The following ZNF638 variants were observed in gnomAD, a reference collection of about 807,000 sequenced individuals.
The protein encoded by ZNF638 is CTCL tumor antigen se33-1.
ZNF638 carries 46 observed loss-of-function variants against 195.6 expected under a neutral mutation model. That is an observed-to-expected ratio of 0.24 (90% CI 0.19 to 0.30). The LOEUF (loss-of-function observed/expected upper bound fraction) is 0.30, where lower values mean the gene tolerates loss of function less well. Ranked by LOEUF, ZNF638 falls within the 10% of genes least tolerant of loss-of-function variation. ZNF638 has a pLI of 1.00. For missense variants in ZNF638, 2,440 were observed against 2,325.3 expected, an observed-to-expected ratio of 1.05 and a Z score of -1.01; for synonymous variants, 845 against 772.0, an observed-to-expected ratio of 1.09 and a Z score of -1.57.
chr2:71,399,883 G>A (rs1485155072), intron 13 of ZNF638, among the ~76,000 whole-genome samples: 3 of 151,668 alleles, frequency 2.0e-5, no homozygotes, highest in African/African-American at 7.3e-5. Flanking sequence ...TCCCTCTATG[G>A]GTCCATTTAT....
intron 8 of ZNF638, chr2:71,376,265 G>A (rs1163352580): frequency 6.6e-6 from 1 of 152,202 alleles, no homozygotes; most frequent in African/African-American, 2.4e-5. Flanking sequence ...GATGATGCTG[G>A]AACAAGAAGG....
At chr2:71,366,079 G>T (rs1178768708) in intron 6 of ZNF638, among the ~76,000 whole-genome samples, 1 of 152,186 alleles carries the variant, frequency 6.6e-6, no homozygotes, top group Non-Finnish European at 1.5e-5. Context: ...TGCCAGGCAT[G>T]GTGGCTTATG....
chr2:71,399,855 A>ATTAT (rs2079970735), intron 13 of ZNF638, among the ~76,000 whole-genome samples: 1 of 152,044 alleles, frequency 6.6e-6, no homozygotes, highest in South Asian at 2.1e-4. Context: ...ACCTTCCAAT[A>ATTAT]GGCCCCAGTG....
rs370823964 is a variant in ZNF638, at chr2:71,357,084, C to G, written c.1379+1304C>G. ...TGTTTTTGTTTTCCTTATCCCACCC[C>G]TCACTCTATGACACAGCCTCGGGAG... On this transcript the variant is annotated intron_variant, in intron 3 of 27. Coordinates refer to ENST00000264447, the MANE Select transcript of ZNF638 (RefSeq NM_014497.5). Among the ~76,000 whole-genome samples, 5 of 152,128 alleles carry G rather than the reference C, an allele frequency of 3.3e-5. No individual in the cohort carries two copies. In the South Asian group the frequency reaches 8.3e-4, roughly 25 times the overall value.
intron 10 of ZNF638, among the ~76,000 whole-genome samples, chr2:71,389,185 C>T (rs1247298277): frequency 1.3e-5 from 2 of 152,110 alleles, no homozygotes; most frequent in Non-Finnish European, 2.9e-5. Context: ...GAGGTTTTCC[C>T]TGAGCCCCCT....
intron 18 of ZNF638, 53 bp from the exon 19 acceptor site, chr2:71,406,075 C>T (rs1050898861): frequency 1.3e-6 from 2 of 1,599,318 alleles, no homozygotes; most frequent in African/African-American, 2.7e-5. Flanking sequence ...TCTGTTTTAC[C>T]GTTTGTTGCT....
At chr2:71,337,598 A>AT (rs2078692405) in intron 1 of ZNF638, among the ~76,000 whole-genome samples, 1 of 151,846 alleles carries the variant, frequency 6.6e-6, no homozygotes, top group South Asian at 2.1e-4. Flanking sequence ...TAGAGATGGG[A>AT]TTTTGCCATG....
intron 10 of ZNF638, among the ~76,000 whole-genome samples, chr2:71,394,920 G>A (rs1258916455): frequency 6.6e-6 from 1 of 152,168 alleles, no homozygotes; most frequent in Admixed American, 6.5e-5. Context: ...GTGACAAGAT[G>A]CGCTGGCATT....
intron 2 of ZNF638, among the ~76,000 whole-genome samples, chr2:71,355,272 G>A (rs377737726): frequency 6.6e-6 from 1 of 152,252 alleles, no homozygotes; most frequent in African/African-American, 2.4e-5. Context: ...TTTGATTGTT[G>A]ATGTTGTTAG....
Position 71,368,545 on chromosome 2 carries a change from G to A in ZNF638, c.2142+17G>A. On this transcript the variant is annotated intron_variant, in intron 7 of 27. Coordinates refer to ENST00000264447, the MANE Select transcript of ZNF638 (RefSeq NM_014497.5). ...AGAAAAGAGGTGAGTCATTTAGTCT[G>A]TGGCAAAAATTCATACAAAGTGATT... The A allele has an allele frequency of 3.1e-6, 5 of 1,607,830 alleles. No individual in the cohort carries two copies. The highest frequency in any genetic ancestry group is 4.2e-6 in the Non-Finnish European group (5 of 1,178,360).
chr2:71,396,862 G>T (rs1470128450), intron 11 of ZNF638, among the ~76,000 whole-genome samples: 1 of 152,122 alleles, frequency 6.6e-6, no homozygotes, highest in Non-Finnish European at 1.5e-5. Flanking sequence ...CAGGAGAATC[G>T]CTTGAACCCG....
chr2:71,427,352 G>A lies in ZNF638; in HGVS notation c.5483G>A (p.Gly1828Asp), dbSNP rs1385872948. The A allele has an allele frequency of 3.8e-6, 6 of 1,599,594 alleles. No homozygotes were observed. The highest frequency in any genetic ancestry group is 4.5e-5 in the East Asian group (2 of 44,796). ...KTKLESLSQV[G>D]PVNENVMEED... Reference sequence around the variant, plus strand: ...AAACTTGAATCCTTGTCCCAAGTGGGTCCAGTAAATGAGAATGTTATGGAA... The same window carrying A: ...AAACTTGAATCCTTGTCCCAAGTGGATCCAGTAAATGAGAATGTTATGGAA... The change falls in exon 24 of 28, where the codon GGT becomes GAT. Residue 1828 changes from glycine (G) to aspartate (D), a missense_variant. Gly to Asp is a moderately conservative substitution (Grantham distance 94). Around this residue, in one of 5 missense-constraint regions of ZNF638, gnomAD observed 1,883 missense variants for 1,739.1 expected, o/e 1.08. Coordinates refer to ENST00000264447, the MANE Select transcript of ZNF638 (RefSeq NM_014497.5).
chr2:71,399,578 G>T lies in ZNF638; in HGVS notation c.2520G>T (p.Lys840Asn). The T allele has an allele frequency of 6.2e-7, 1 of 1,612,314 alleles. No individual in the cohort carries two copies. The highest frequency in any genetic ancestry group is 8.5e-7 in the Non-Finnish European group (1 of 1,179,052). ...TACAAGCAAAATCTGGTGGAAAGAA[G>T]TCTCTAGAAGCCAAAAAGACTGGGA... Reference protein sequence around the residue: ...SIKTAKSGGKKSLEAKKTGNV... With the variant: ...SIKTAKSGGKNSLEAKKTGNV... The change falls in exon 13 of 28, where the codon AAG (lysine) becomes AAT (asparagine). Residue 840 changes from lysine to asparagine, a missense_variant. Physicochemically the swap from Lys to Asn is moderately conservative, Grantham distance 94. Around this residue, in one of 5 missense-constraint regions of ZNF638, gnomAD observed 1,883 missense variants for 1,739.1 expected, o/e 1.08. Transcript: ENST00000264447.
rs1374617004 is a variant in ZNF638 at position 71,423,653 on chromosome 2, G to T, written c.4139G>T (p.Ser1380Ile). Residue 1380 changes from serine to isoleucine, a missense_variant, in exon 22 of 28, where the codon AGT becomes ATT. Around this residue, in one of 5 missense-constraint regions of ZNF638, gnomAD observed 1,883 missense variants for 1,739.1 expected, o/e 1.08. Coordinates refer to ENST00000264447, the MANE Select transcript of ZNF638 (RefSeq NM_014497.5). ...ANKPDETSKT[S>I]ILAVSDVSSS... Reference sequence around the variant, plus strand: ...AAGCCTGATGAAACTAGTAAAACTAGTATTCTGGCTGTATCAGATGTATCT... The same window carrying T: ...AAGCCTGATGAAACTAGTAAAACTATTATTCTGGCTGTATCAGATGTATCT... The T allele has an allele frequency of 1.2e-6, 2 of 1,613,658 alleles. No homozygotes were observed. The highest frequency in any genetic ancestry group is 4.5e-5 in the East Asian group (2 of 44,898).
At chr2:71,370,801 C>T (rs1317827469) in intron 8 of ZNF638, among the ~76,000 whole-genome samples, 1 of 151,972 alleles carries the variant, frequency 6.6e-6, no homozygotes, top group East Asian at 1.9e-4. Context: ...GGATATCTGT[C>T]CCCTCCAACA....
Position 71,434,919 on chromosome 2 carries a change from T to C in ZNF638, c.*112T>C. On this transcript the variant is annotated 3_prime_UTR_variant, in exon 28 of 28. Coordinates refer to ENST00000264447, the MANE Select transcript of ZNF638 (RefSeq NM_014497.5). ...GTTTCAGAAGCAAATATTCGTGTTGTACAAATTTCTGATTGCCCTAAATGT... is the reference window on the plus strand; with the variant it reads ...GTTTCAGAAGCAAATATTCGTGTTGCACAAATTTCTGATTGCCCTAAATGT... 4 of 903,058 alleles carry C rather than the reference T, an allele frequency of 4.4e-6. No homozygotes were observed. Among genetic ancestry groups the C allele is most frequent in the Non-Finnish European group, 6.6e-6 (4 of 601,588 alleles). The allele number at this position is 903,058 out of a possible 1,614,324, so 55.9% of individuals were successfully genotyped here.
chr2:71,388,465 A>G (rs965516198), intron 10 of ZNF638: 1 of 689,390 alleles, frequency 1.5e-6, no homozygotes, highest in African/African-American at 1.8e-5. Context: ...TGTTGGCTCC[A>G]GGCCTTTGTC....
At chr2:71,341,666 A>G (rs1228139268) in intron 1 of ZNF638, 1 of 152,200 alleles carries the variant, frequency 6.6e-6, no homozygotes, top group Non-Finnish European at 1.5e-5. Flanking sequence ...TTCCCCAACA[A>G]GTTAATAGTT....
At position 71,347,709 on chromosome 2, in the gene ZNF638, C is replaced by T. The variant is rs915230466; in HGVS notation, c.-202-1044C>T. ...TTGGTCCTGAATGGTAGCTAAAGTA[C>T]TGTTTTCTGAGAAGAGTGTTGAAGG... On this transcript the variant is annotated intron_variant, in intron 1 of 27. Coordinates refer to ENST00000264447, the MANE Select transcript of ZNF638 (RefSeq NM_014497.5). Among the ~76,000 whole-genome samples the T allele has an allele frequency of 5.6e-4, 85 of 152,178 alleles. 2 individuals are homozygous for T. The highest frequency in any genetic ancestry group is 4.1e-4 in the Non-Finnish European group (28 of 68,038).
Sources: gnomAD v4.1 joint callset for allele counts (sites outside exome capture counted in the v4.1 genomes callset) on GRCh38, gnomAD v4.1.1 for gene constraint, gnomAD v4.1.1 regional missense constraint, MANE v1.5 for transcripts, NCBI Gene and HGNC (gene_info 2026-07-23, HGNC 2026-07-21) for gene names.